The following MED23 variants were observed in gnomAD, a reference collection of about 807,000 sequenced individuals.
MED23 encodes mediator complex subunit 23, also known as mediator of RNA polymerase II transcription subunit 23.
Under a neutral mutation model 163.9 loss-of-function variants are expected in MED23, and 105 were observed. The ratio of observed to expected loss-of-function variants is 0.64; its 90% CI spans 0.55 to 0.75. The LOEUF (loss-of-function observed/expected upper bound fraction) is 0.75. Among genes scored for constraint, MED23 ranks in the 30% least tolerant of loss-of-function variants. MED23 has a pLI of 0.00. For missense variants in MED23, 1,054 were observed against 1,649.0 expected (o/e 0.64, Z 6.25); for synonymous variants, 561 against 565.6 (o/e 0.99, Z 0.12).
chr6:131,594,008 A>C, intron 23 of MED23, 91 bp downstream of exon 23: 2 of 1,090,924 alleles, frequency 1.8e-6, no homozygotes, highest in Non-Finnish European at 2.7e-6. Flanking sequence ...ACCTTGAAAT[A>C]CATAAAAAAT....
At chr6:131,627,361 T>C (rs779243570) in intron 3 of MED23, 35 bp downstream of exon 3, 1 of 1,333,506 alleles carries the variant, frequency 7.5e-7, no homozygotes, top group Non-Finnish European at 1.0e-6. Context: ...AGGCCAAAAA[T>C]CATCAGCTGA....
Position 131,596,623 on chromosome 6 carries a change from G to C in MED23, c.2673C>G (p.Leu891=). 1.2e-6 allele frequency: 2 copies of C among 1,614,094 alleles called. No individual in the cohort carries two copies. The highest frequency in any genetic ancestry group is 1.7e-6 in the Non-Finnish European group (2 of 1,180,008). Residue 891 remains leucine, a synonymous_variant, in exon 21 of 29, where the codon CTC becomes CTG. Coordinates refer to ENST00000368068, the MANE Select transcript of MED23 (RefSeq NM_004830.4). ...VCYFIIQLLL[L]KPNDFRNRVS... ...CTCGATTTCTAAAATCGTTTGGTTT[G>C]AGTAACAGCAACTGAATTATGAAAT... is the stretch of plus-strand genomic sequence containing the variant.
In MED23 at chr6:131,607,943, T is replaced by C. The variant is rs377352569; in HGVS notation, c.1206A>G (p.Leu402=). ...FLPVMKLFDL[L]YPEKEYIPVP... Reference sequence around the variant, plus strand: ...TAAAGCTTACTTCTTTTTCTGGGTATAGCAAGTCGAAGAGCTTCATCACAG... The same window carrying C: ...TAAAGCTTACTTCTTTTTCTGGGTACAGCAAGTCGAAGAGCTTCATCACAG... Residue 402 remains leucine, a synonymous_variant, in exon 12 of 29, where the codon CTA becomes CTG. Coordinates refer to ENST00000368068, the MANE Select transcript of MED23 (RefSeq NM_004830.4). 3.3e-4 allele frequency: 529 copies of C among 1,613,822 alleles called. 8 individuals carry two copies. The South Asian group carries it at 5.1e-3, about 16-fold the overall frequency.
chr6:131,615,391 A>C, intron 10 of MED23: 2 of 1,588,704 alleles, frequency 1.3e-6, no homozygotes, highest in South Asian at 1.1e-5. Flanking sequence ...ACAAAAATAA[A>C]GGAAGAAAAA....
chr6:131,588,924 GA>G (rs1774376615), intron 28 of MED23, among the ~76,000 whole-genome samples: 1 of 152,062 alleles, frequency 6.6e-6, no homozygotes, highest in Non-Finnish European at 1.5e-5. Context: ...TATTCCAAAT[GA>G]AAACCCTCCA....
In MED23 at chr6:131,576,370, G is replaced by A. The variant is rs73778020; in HGVS notation, c.4096-2075C>T. On this transcript the variant is annotated intron_variant, in intron 30 of 30. Coordinates refer to the MED23 transcript ENST00000354577. Reference sequence around the variant, plus strand: ...ACATGGTTTGACGGGAAGAGGGGATGTAGGTTTTGGAATCCAAAGACCTGA... The same window carrying A: ...ACATGGTTTGACGGGAAGAGGGGATATAGGTTTTGGAATCCAAAGACCTGA... Among the ~76,000 whole-genome samples the A allele has an allele frequency of 7.1e-3, 1,080 of 152,324 alleles. 13 individuals carry two copies. The highest frequency in any genetic ancestry group is 0.025 in the African/African-American group (1,031 of 41,566).
At chr6:131,602,008 C>T (rs1445761227) in intron 17 of MED23, among the ~76,000 whole-genome samples, 1 of 152,052 alleles carries the variant, frequency 6.6e-6, no homozygotes, top group Non-Finnish European at 1.5e-5. Flanking sequence ...TTATGGATAG[C>T]TGAAAACGAT....
intron 5 of MED23, among the ~76,000 whole-genome samples, chr6:131,622,248 C>T (rs983442075): frequency 3.3e-5 from 5 of 152,140 alleles, no homozygotes; most frequent in African/African-American, 7.2e-5. Context: ...GAAGGGTTTA[C>T]GTTGTTACAA....
intron 10 of MED23, among the ~76,000 whole-genome samples, chr6:131,613,882 C>A (rs987263919): frequency 1.3e-5 from 2 of 151,946 alleles, no homozygotes; most frequent in Non-Finnish European, 2.9e-5. Flanking sequence ...AGCTGCCCGC[C>A]CCCAAGAGAA....
intron 28 of MED23, among the ~76,000 whole-genome samples, chr6:131,588,814 A>G (rs1222906981): frequency 6.6e-6 from 1 of 152,106 alleles, no homozygotes; most frequent in Non-Finnish European, 1.5e-5. Flanking sequence ...AGACATCCCC[A>G]TTAGGAAGTT....
At chr6:131,621,436 AAAG>A (rs1222110527) in intron 6 of MED23, among the ~76,000 whole-genome samples, 6 of 152,240 alleles carry the variant, frequency 3.9e-5, no homozygotes, top group Middle Eastern at 6.8e-3. Context: ...CAACTGTAGC[AAAG>A]AATACATTTA....
Position 131,591,538 on chromosome 6 carries a change from G to A in MED23, c.3472-11C>T, listed in dbSNP as rs191563461. 94 of 1,592,704 alleles carry A rather than the reference G, an allele frequency of 5.9e-5. No individual in the cohort carries two copies. The East Asian group carries it at 9.6e-4, about 16-fold the overall frequency. On this transcript the variant is annotated splice_polypyrimidine_tract_variant and intron_variant, in intron 25 of 28. Transcript: ENST00000368068. ...AATCCAATATGGCTCCTTTAAAATC[G>A]GAGGAAAGCTAGTGAAAAATATCAC...
At chr6:131,614,374 A>C (rs1776494417) in intron 10 of MED23, among the ~76,000 whole-genome samples, 2 of 152,352 alleles carry the variant, frequency 1.3e-5, no homozygotes, top group South Asian at 4.1e-4. Context: ...CACAACCTTC[A>C]CTATAGTATT....
chr6:131,583,248 C>T (rs754507817), downstream of MED23: 172 of 1,598,640 alleles, frequency 1.1e-4, no homozygotes, highest in Non-Finnish European at 1.4e-4. Flanking sequence ...AAAGTCTTTA[C>T]ATGAAATAAT....
chr6:131,627,859 C>T (rs928289866), intron 1 of MED23, 152 bp downstream of exon 1: 15 of 1,148,916 alleles, frequency 1.3e-5, no homozygotes, highest in Non-Finnish European at 1.8e-5. Context: ...TTGAGAATCA[C>T]TAAACTTCCC....
chr6:131,583,643 T>G, downstream of MED23: 2 of 1,522,568 alleles, frequency 1.3e-6, no homozygotes, highest in Non-Finnish European at 1.8e-6. Context: ...CATCGGTTAC[T>G]ACCTTTTTCT....
chr6:131,584,613 T>C (rs147423359), downstream of MED23, among the ~76,000 whole-genome samples: 13 of 152,268 alleles, frequency 8.5e-5, no homozygotes, highest in African/African-American at 3.1e-4. Context: ...CATGTTTTAC[T>C]TTTTCTAAAC....
At chr6:131,605,896 T>C (rs1453082555) in intron 13 of MED23, among the ~76,000 whole-genome samples, 3 of 152,134 alleles carry the variant, frequency 2.0e-5, no homozygotes, top group African/African-American at 7.2e-5. Context: ...CCAAATGAAG[T>C]ATCAAGTCTG....
intron 10 of MED23, among the ~76,000 whole-genome samples, chr6:131,611,443 A>G (rs572003597): frequency 3.3e-4 from 50 of 152,158 alleles, no homozygotes; most frequent in Non-Finnish European, 5.4e-4. Context: ...CCACAGTTCA[A>G]TCACATTACA....
Sources: gnomAD v4.1 joint callset for allele counts (sites outside exome capture counted in the v4.1 genomes callset) on GRCh38, gnomAD v4.1.1 for gene constraint, MANE v1.5 for transcripts, NCBI Gene and HGNC (gene_info 2026-07-23, HGNC 2026-07-21) for gene names.